Variants in OSBPL1A observed in about 807,000 individuals in gnomAD.
The protein encoded by OSBPL1A is oxysterol binding protein like 1A, also known as oxysterol-binding protein-related protein 1.
In OSBPL1A, 80 loss-of-function variants were observed where a neutral mutation model predicts 137.1. That is an observed-to-expected ratio of 0.58 (90% confidence interval 0.49 to 0.70). The LOEUF (loss-of-function observed/expected upper bound fraction) is 0.70. OSBPL1A is among the 30% of genes least tolerant of loss of function. OSBPL1A has a pLI of 0.00. For synonymous variants in OSBPL1A, 365 were observed against 389.7 expected, an observed-to-expected ratio of 0.94 and a Z score of 0.75; for missense variants, 970 against 1,129.4, an observed-to-expected ratio of 0.86 and a Z score of 2.02.
intron 1 of OSBPL1A, among the ~76,000 whole-genome samples, chr18:24,389,096 G>T (rs1053526794): frequency 8.5e-5 from 13 of 152,260 alleles, no homozygotes; most frequent in Admixed American, 7.2e-4. Flanking sequence ...GCCAAAAGAA[G>T]AAGATAAGCA....
intron 11 of OSBPL1A, among the ~76,000 whole-genome samples, chr18:24,315,912 A>C (rs1488454765): frequency 7.4e-6 from 1 of 135,410 alleles, no homozygotes; most frequent in Non-Finnish European, 1.5e-5. Flanking sequence ...ATATTATATA[A>C]TATTATAATT....
At chr18:24,213,758 G>T (rs1322148967) in intron 17 of OSBPL1A, among the ~76,000 whole-genome samples, 1 of 152,092 alleles carries the variant, frequency 6.6e-6, no homozygotes, top group African/African-American at 2.4e-5. Flanking sequence ...TTTACAAGAG[G>T]TTTTACTTGT....
At chr18:24,196,963 AT>A (rs985382092) in intron 17 of OSBPL1A, among the ~76,000 whole-genome samples, 6 of 152,168 alleles carry the variant, frequency 3.9e-5, no homozygotes, top group African/African-American at 2.4e-5. Flanking sequence ...GAGCCACCCC[AT>A]TTCCACAGAT....
chr18:24,290,063 A>G (rs1253485071), intron 14 of OSBPL1A, among the ~76,000 whole-genome samples: 1 of 152,060 alleles, frequency 6.6e-6, no homozygotes, highest in East Asian at 1.9e-4. Flanking sequence ...CAATGTACAA[A>G]AAAAGGCTAT....
intron 16 of OSBPL1A, among the ~76,000 whole-genome samples, chr18:24,230,163 A>C (rs965202029): frequency 5.3e-5 from 8 of 152,230 alleles, no homozygotes; most frequent in Non-Finnish European, 7.3e-5. Context: ...GAAGAGGTGC[A>C]TCCTGCCTCC....
intron 4 of OSBPL1A, among the ~76,000 whole-genome samples, chr18:24,343,556 T>C (rs1428997633): frequency 6.6e-6 from 1 of 152,176 alleles, no homozygotes; most frequent in Non-Finnish European, 1.5e-5. Flanking sequence ...AGATACATCT[T>C]GACTTCAAAA....
intron 19 of OSBPL1A, 125 bp from the exon 20 acceptor site, chr18:24,179,960 GT>G (rs2086556670): frequency 2.8e-6 from 2 of 716,344 alleles, no homozygotes; most frequent in Non-Finnish European, 2.5e-6. Flanking sequence ...TTACTTTGGA[GT>G]TTTAATATGG....
chr18:24,181,775 T>C (rs2086611450), intron 18 of OSBPL1A, among the ~76,000 whole-genome samples: 1 of 152,122 alleles, frequency 6.6e-6, no homozygotes, highest in Admixed American at 6.5e-5. Flanking sequence ...CTAACCTCTA[T>C]CTAGGAATGT....
intron 17 of OSBPL1A, among the ~76,000 whole-genome samples, chr18:24,210,262 T>C (rs138917498): frequency 0.011 from 1,709 of 152,140 alleles, 25 homozygotes; most frequent in African/African-American, 0.039. Context: ...CCGTCTCTAC[T>C]AAAAATACAA....
In OSBPL1A at chr18:24,377,461, A is replaced by G. The variant is rs753046318; in HGVS notation, c.73T>C (p.Leu25=). ...ACTTCATTCCTCGCCATGGTCTCTA[A>G]TAGTTGTCTTACTTCTTCAGCATTG... is the stretch of plus-strand genomic sequence containing the variant. The part of the protein sequence containing the change: ...NGNAEEVRQL[L]ETMARNEVIA... Residue 25 remains leucine (L), a synonymous_variant, in exon 2 of 28, where the codon TTA becomes CTA. Transcript: ENST00000319481. 1 of 1,612,700 alleles carries G rather than the reference A, an allele frequency of 6.2e-7. No individual in the cohort carries two copies. Among genetic ancestry groups the G allele is most frequent in the Admixed American group, 1.7e-5 (1 of 59,594 alleles).
intron 16 of OSBPL1A, among the ~76,000 whole-genome samples, chr18:24,228,629 T>C (rs548950174): frequency 6.6e-6 from 1 of 152,186 alleles, no homozygotes; most frequent in Middle Eastern, 3.4e-3. Flanking sequence ...GGAGTCTGAA[T>C]GGGGGCAGCG....
At chr18:24,243,364 A>G (rs1316952292) in intron 15 of OSBPL1A, among the ~76,000 whole-genome samples, 1 of 152,184 alleles carries the variant, frequency 6.6e-6, no homozygotes, top group African/African-American at 2.4e-5. Context: ...CAAATTCTTC[A>G]CCCCTGCCTA....
intron 14 of OSBPL1A, among the ~76,000 whole-genome samples, chr18:24,289,139 C>CA (rs1474039345): frequency 1.3e-5 from 2 of 151,832 alleles, no homozygotes; most frequent in Admixed American, 6.6e-5. Context: ...AGAACAACAG[C>CA]AAAAAAGGGG....
At chr18:24,174,806 T>C (rs2086381221) in intron 21 of OSBPL1A, among the ~76,000 whole-genome samples, 1 of 152,046 alleles carries the variant, frequency 6.6e-6, no homozygotes, top group Non-Finnish European at 1.5e-5. Flanking sequence ...TGAGGTCTTA[T>C]TCTACTACCT....
intron 15 of OSBPL1A, among the ~76,000 whole-genome samples, chr18:24,253,727 G>C (rs981913438): frequency 1.3e-5 from 2 of 152,150 alleles, no homozygotes; most frequent in African/African-American, 4.8e-5. Context: ...GGCAGAACTG[G>C]TTGAGCCAGA....
chr18:24,241,532 T>A (rs989956386), intron 15 of OSBPL1A, among the ~76,000 whole-genome samples: 1 of 152,130 alleles, frequency 6.6e-6, no homozygotes, highest in African/African-American at 2.4e-5. Flanking sequence ...AAAAAGCTCA[T>A]CATCACTGGT....
intron 18 of OSBPL1A, among the ~76,000 whole-genome samples, chr18:24,194,259 G>C (rs1324850972): frequency 6.6e-6 from 1 of 152,210 alleles, no homozygotes; most frequent in Non-Finnish European, 1.5e-5. Context: ...ACTCAGAGCA[G>C]TGTTTTTCAA....
intron 15 of OSBPL1A, among the ~76,000 whole-genome samples, chr18:24,255,011 T>C (rs1299894447): frequency 6.6e-6 from 1 of 151,348 alleles, no homozygotes; most frequent in Non-Finnish European, 1.5e-5. Context: ...GGGATGAAAA[T>C]GGAAACATTA....
chr18:24,321,724 G>T (rs769415707), intron 7 of OSBPL1A: 2 of 515,564 alleles, frequency 3.9e-6, no homozygotes, highest in Non-Finnish European at 8.0e-6. Flanking sequence ...GGAAAAGCTG[G>T]GTTGAGAGGG....
Sources: gnomAD v4.1 joint callset for allele counts (sites outside exome capture counted in the v4.1 genomes callset) on GRCh38, gnomAD v4.1.1 for gene constraint, MANE v1.5 for transcripts, NCBI Gene and HGNC (gene_info 2026-07-23, HGNC 2026-07-21) for gene names.